The following PILRA variants were observed in gnomAD, a reference collection of about 807,000 sequenced individuals.
The protein encoded by PILRA is paired immunoglobin like type 2 receptor alpha, also known as paired immunoglobulin-like type 2 receptor alpha.
A neutral mutation model predicts 33.1 loss-of-function variants in PILRA; 37 were observed. The observed-to-expected ratio is 1.12, with a 90% CI of 0.86 to 1.47. PILRA has a LOEUF of 1.47. PILRA is among the 40% of genes most tolerant of loss of function. The probability of loss-of-function intolerance (pLI) is 0.00; values close to 1 mark genes in which losing one functional copy is unlikely to be tolerated. For synonymous variants in PILRA, 146 were observed against 149.9 expected, an observed-to-expected ratio of 0.97 and a Z score of 0.19; for missense variants, 312 against 376.2, an observed-to-expected ratio of 0.83 and a Z score of 1.41.
chr7:100,379,119 A>G lies in PILRA; in HGVS notation c.454+4686A>G, dbSNP rs936179572. 4.7e-5 allele frequency among the ~76,000 whole-genome samples: 7 copies of G among 150,120 alleles called. No homozygotes were observed. In the Admixed American group the frequency reaches 4.7e-4, roughly 10 times the overall value. ...AAAAAAAAAAAAAAAAAAGTAATGCATAGGCCAGGTGCAGTGGTTTCTGCC... is the reference window on the plus strand; with the variant it reads ...AAAAAAAAAAAAAAAAAAGTAATGCGTAGGCCAGGTGCAGTGGTTTCTGCC... On this transcript the variant is annotated intron_variant, in intron 2 of 6. Transcript: ENST00000198536.
At chr7:100,391,456 G>A (rs564215772) in intron 3 of PILRA, among the ~76,000 whole-genome samples, 6 of 152,054 alleles carry the variant, frequency 3.9e-5, no homozygotes. Context: ...GGAGGCCAAG[G>A]CAGGAGAATC....
At chr7:100,373,890 T>C (rs1363293292) in intron 1 of PILRA, among the ~76,000 whole-genome samples, 154 bp from the exon 2 acceptor site, 1 of 150,270 alleles carries the variant, frequency 6.7e-6, no homozygotes, top group African/African-American at 2.4e-5. Context: ...CCCTCCCCCA[T>C]GCCTGAAGAG....
At position 100,396,987 on chromosome 7, in the gene PILRA, GT is replaced by G. The variant is rs797002359; in HGVS notation, c.674-882del. 8.0e-4 allele frequency among the ~76,000 whole-genome samples: 116 copies of G among 145,158 alleles called. No homozygotes were observed. The South Asian group carries it at 0.016, about 20-fold the overall frequency. On this transcript the variant is annotated intron_variant, in intron 3 of 6. Coordinates refer to ENST00000198536, the MANE Select transcript of PILRA (RefSeq NM_013439.3). Reference sequence around the variant, plus strand: ...ATTCTAGTGTTTTGTTTGTTTTTTTGTTTTTTTTTTACCGTAAGTAAAATAA... The same window carrying G: ...ATTCTAGTGTTTTGTTTGTTTTTTTGTTTTTTTTTACCGTAAGTAAAATAA...
At chr7:100,381,444 C>CAAAAAAAAAA (rs60123996) in intron 2 of PILRA, among the ~76,000 whole-genome samples, 2 of 82,074 alleles carry the variant, frequency 2.4e-5, no homozygotes, top group Non-Finnish European at 4.9e-5. Flanking sequence ...GATCCTGACT[C>CAAAAAAAAAA]AAAAAAAAAA....
At chr7:100,386,828 T>C (rs1244655805) in intron 2 of PILRA, among the ~76,000 whole-genome samples, 1 of 151,356 alleles carries the variant, frequency 6.6e-6, no homozygotes, top group Non-Finnish European at 1.5e-5. Flanking sequence ...AGTGCCCAGC[T>C]TTAAAAAAAA....
chr7:100,372,024 C>T (rs1584206504), upstream of PILRA, among the ~76,000 whole-genome samples: 1 of 152,318 alleles, frequency 6.6e-6, no homozygotes, highest in South Asian at 2.1e-4. Context: ...GCCTGGTAAG[C>T]AGGTGACCTT....
At chr7:100,396,879 G>GC (rs759831015) in intron 3 of PILRA, among the ~76,000 whole-genome samples, 1 of 151,950 alleles carries the variant, frequency 6.6e-6, no homozygotes, top group Non-Finnish European at 1.5e-5. Flanking sequence ...TTTCAGTTTT[G>GC]CAAGATGAAA....
intron 2 of PILRA, among the ~76,000 whole-genome samples, chr7:100,386,064 G>A (rs938727729): frequency 6.6e-6 from 1 of 151,928 alleles, no homozygotes; most frequent in African/African-American, 2.4e-5. Context: ...CCAGTAGCTG[G>A]GATTACAAGC....
At chr7:100,385,732 C>T (rs956884249) in intron 2 of PILRA, among the ~76,000 whole-genome samples, 3 of 151,956 alleles carry the variant, frequency 2.0e-5, no homozygotes, top group Non-Finnish European at 4.4e-5. Flanking sequence ...CGGGTTCATG[C>T]GATTCTCCTG....
intron 2 of PILRA, among the ~76,000 whole-genome samples, chr7:100,377,452 A>G (rs1790980965): frequency 6.6e-6 from 1 of 151,760 alleles, no homozygotes; most frequent in African/African-American, 2.4e-5. Flanking sequence ...CGTGTTAGCC[A>G]GGATGGTCTC....
intron 3 of PILRA, among the ~76,000 whole-genome samples, chr7:100,391,190 T>A (rs35474292): frequency 0.29 from 39,176 of 136,272 alleles, 6,142 homozygotes; most frequent in Non-Finnish European, 0.35. Context: ...TAATAATTAT[T>A]ATTATTATTA....
intron 2 of PILRA, among the ~76,000 whole-genome samples, chr7:100,380,864 G>C (rs915095464): frequency 1.3e-5 from 2 of 152,148 alleles, no homozygotes; most frequent in African/African-American, 4.8e-5. Context: ...CCAGCTACTT[G>C]GGAGGCTGAG....
chr7:100,396,633 C>T lies in PILRA; in HGVS notation c.674-1246C>T, dbSNP rs144693920. 4.0e-3 allele frequency among the ~76,000 whole-genome samples: 604 copies of T among 152,220 alleles called. 5 individuals carry two copies. The highest frequency in any genetic ancestry group is 0.014 in the African/African-American group (578 of 41,518). ...CACCACTGCACTCCAGCCTGGGTGA[C>T]AAGAGCGAAACTCTGTCTCAAAAAA... On this transcript the variant is annotated intron_variant, in intron 3 of 6. Transcript: ENST00000198536.
chr7:100,392,248 G>T (rs986731090), intron 3 of PILRA, among the ~76,000 whole-genome samples: 1 of 152,200 alleles, frequency 6.6e-6, no homozygotes. Context: ...GGCAGAGGTT[G>T]CAATGAACTG....
intron 2 of PILRA, among the ~76,000 whole-genome samples, chr7:100,385,960 C>G (rs1791244008): frequency 6.8e-6 from 1 of 148,134 alleles, no homozygotes; most frequent in Non-Finnish European, 1.5e-5. Flanking sequence ...GACGGAGTTT[C>G]AATCTTGTCA....
At chr7:100,385,946 T>C (rs1008649305) in intron 2 of PILRA, among the ~76,000 whole-genome samples, 4 of 151,336 alleles carry the variant, frequency 2.6e-5, no homozygotes, top group Non-Finnish European at 4.4e-5. Context: ...TTTTTTTTTT[T>C]TGAGACGGAG....
intron 2 of PILRA, among the ~76,000 whole-genome samples, chr7:100,388,531 G>C (rs1042437712): frequency 2.0e-5 from 3 of 151,514 alleles, no homozygotes; most frequent in Non-Finnish European, 4.4e-5. Context: ...TCAGGAGTTG[G>C]AGACCAGCCT....
chr7:100,390,193 T>G, intron 3 of PILRA, 87 bp downstream of exon 3: 2 of 1,169,426 alleles, frequency 1.7e-6, no homozygotes, highest in Middle Eastern at 2.7e-4. Context: ...TCCTGAAATA[T>G]GCAGACCCTG....
chr7:100,374,082 G>A lies in PILRA; in HGVS notation c.103G>A (p.Val35Ile), dbSNP rs1266486922. 2 of 1,614,088 alleles carry A rather than the reference G, an allele frequency of 1.2e-6. No homozygotes were observed. Among genetic ancestry groups the A allele is most frequent in the South Asian group, 2.2e-5 (2 of 91,082 alleles). The change falls in exon 2 of 7, where the codon GTC (valine) becomes ATC (isoleucine). Residue 35 changes from valine to isoleucine, a missense_variant. Val to Ile is a conservative substitution (Grantham distance 29). Transcript: ENST00000198536. ...TGSGPSYLYG[V>I]TQPKHLSASM... Reference sequence around the variant, plus strand: ...ATCTGGTCCAAGCTACCTTTATGGGGTCACTCAACCAAAACACCTCTCAGC... The same window carrying A: ...ATCTGGTCCAAGCTACCTTTATGGGATCACTCAACCAAAACACCTCTCAGC...
Sources: gnomAD v4.1 joint callset for allele counts (sites outside exome capture counted in the v4.1 genomes callset) on GRCh38, gnomAD v4.1.1 for gene constraint, MANE v1.5 for transcripts, NCBI Gene and HGNC (gene_info 2026-07-23, HGNC 2026-07-21) for gene names.